NFATC2: variants seen among roughly 807,000 people sequenced by gnomAD.
NFATC2 encodes nuclear factor of activated T-cells, cytoplasmic 2.
A neutral mutation model predicts 87.3 loss-of-function variants in NFATC2; 22 were observed. That is an observed-to-expected ratio of 0.25 (90% CI 0.18 to 0.36). The LOEUF (loss-of-function observed/expected upper bound fraction) is 0.36, where lower values mean the gene tolerates loss of function less well. Among genes scored for constraint, NFATC2 ranks in the 10% least tolerant of loss-of-function variants. NFATC2 has a pLI of 1.00. For synonymous variants in NFATC2, 565 were observed against 542.2 expected (o/e 1.04, Z -0.58); for missense variants, 1,149 against 1,259.1 (o/e 0.91, Z 1.32).
intron 3 of NFATC2, among the ~76,000 whole-genome samples, chr20:51,511,350 T>G (rs1288534287): frequency 6.6e-6 from 1 of 152,210 alleles, no homozygotes; most frequent in Non-Finnish European, 1.5e-5. Context: ...TTACTGAGGG[T>G]GTGGACAGTC....
chr20:51,521,993 G>A (rs11697582), intron 2 of NFATC2, among the ~76,000 whole-genome samples: 5,924 of 152,274 alleles, frequency 0.039, 138 homozygotes, highest in South Asian at 0.072. Flanking sequence ...TTGAGTCCAT[G>A]TGGTGTGCAG....
At chr20:51,482,806 G>T (rs1326912707) in intron 3 of NFATC2, among the ~76,000 whole-genome samples, 3 of 152,076 alleles carry the variant, frequency 2.0e-5, no homozygotes, top group Non-Finnish European at 4.4e-5. Flanking sequence ...TTTCTTCCAG[G>T]CACACAGATC....
Position 51,480,616 on chromosome 20 carries a change from T to C in NFATC2, c.1333-4956A>G, listed in dbSNP as rs1057165957. On this transcript the variant is annotated intron_variant, in intron 3 of 10. Coordinates refer to ENST00000371564, the MANE Select transcript of NFATC2 (RefSeq NM_012340.5). The surrounding 1 kb of genome is among the most constrained non-coding windows in gnomAD (Gnocchi z 4.2). ...GCTGAAAGCACAAAGTTTTTCACTT[T>C]GGGTCAGACATATCTGAATTTCGAT... Among the ~76,000 whole-genome samples, 4 of 152,144 alleles carry C rather than the reference T, an allele frequency of 2.6e-5. No homozygotes were observed. The highest frequency in any genetic ancestry group is 5.9e-5 in the Non-Finnish European group (4 of 68,022).
At chr20:51,513,105 C>A (rs921104060) in intron 3 of NFATC2, among the ~76,000 whole-genome samples, 13 of 152,012 alleles carry the variant, frequency 8.6e-5, no homozygotes, top group African/African-American at 3.1e-4. Context: ...ATTCAAATGA[C>A]TTTTTAAAAA....
At chr20:51,513,384 T>C (rs367867270) in intron 3 of NFATC2, among the ~76,000 whole-genome samples, 4 of 152,216 alleles carry the variant, frequency 2.6e-5, no homozygotes, top group East Asian at 1.9e-4. Context: ...GAGGCTGAGG[T>C]GGGAGGATCA....
At chr20:51,487,692 A>G (rs1434284525) in intron 3 of NFATC2, among the ~76,000 whole-genome samples, 2 of 152,128 alleles carry the variant, frequency 1.3e-5, no homozygotes, top group East Asian at 3.9e-4. Context: ...CGAGCCAGCC[A>G]TGGCATAAAA....
In NFATC2 at chr20:51,524,031, C is replaced by T; in HGVS notation, c.210G>A (p.Lys70=). ...AGAGACTAGCAAGGGGGCTGTATGG[C>T]TTGAGGCCATAGTCCAGGACATCAT... is the stretch of plus-strand genomic sequence containing the variant. ...YPDDVLDYGL[K]PYSPLASLSG... Residue 70 remains lysine, a synonymous_variant, in exon 2 of 11, where the codon AAG becomes AAA. Coordinates refer to ENST00000371564, the MANE Select transcript of NFATC2 (RefSeq NM_012340.5). The surrounding 1 kb of genome is among the most constrained non-coding windows in gnomAD (Gnocchi z 4.0). 1.3e-6 allele frequency: 2 copies of T among 1,547,140 alleles called. No homozygotes were observed. The highest frequency in any genetic ancestry group is 2.5e-5 in the South Asian group (2 of 80,822).
chr20:51,545,060 T>C (rs1034588058), upstream of NFATC2, among the ~76,000 whole-genome samples: 1 of 152,224 alleles, frequency 6.6e-6, no homozygotes, highest in Non-Finnish European at 1.5e-5. Context: ...AGGATACTTA[T>C]AGACAGGTAT....
At chr20:51,444,824 T>G (rs1052296210) in intron 6 of NFATC2, among the ~76,000 whole-genome samples, 3 of 151,390 alleles carry the variant, frequency 2.0e-5, no homozygotes, top group African/African-American at 7.3e-5. Context: ...CAGACAGGGG[T>G]GGGGTGGGGG....
At chr20:51,485,062 A>T (rs1989592581) in intron 3 of NFATC2, among the ~76,000 whole-genome samples, 2 of 152,222 alleles carry the variant, frequency 1.3e-5, no homozygotes, top group Non-Finnish European at 2.9e-5. Flanking sequence ...AAACAGACAT[A>T]TCTACCGCAT....
chr20:51,398,626 C>G lies in NFATC2; in HGVS notation c.*44+17G>C. The G allele has an allele frequency of 6.4e-7, 1 of 1,554,868 alleles. No individual in the cohort carries two copies. The highest frequency in any genetic ancestry group is 8.8e-7 in the Non-Finnish European group (1 of 1,141,542). On this transcript the variant is annotated intron_variant, in intron 10 of 10. Transcript: ENST00000371564. The stretch of plus-strand genomic sequence containing the variant: ...CACAGCTGGAAAACAAAAGGAGAAG[C>G]AGAAGATATCGATTACCTTTAACTT...
chr20:51,432,718 G>T lies in NFATC2; in HGVS notation c.2071C>A (p.Pro691Thr). ...IKTEPTDEYDPTLICSPTHGG... is the reference protein window; with the variant it reads ...IKTEPTDEYDTTLICSPTHGG... Reference sequence around the variant, plus strand: ...TGGGTGGGGCTGCAGATCAGAGTGGGGTCATATTCATCCGTGGGCTCCGTC... The same window carrying T: ...TGGGTGGGGCTGCAGATCAGAGTGGTGTCATATTCATCCGTGGGCTCCGTC... Residue 691 changes from proline (P) to threonine (T), a missense_variant, in exon 9 of 11, where the codon CCC becomes ACC. Pro to Thr is a conservative substitution (Grantham distance 38, BLOSUM62 -1). Coordinates refer to ENST00000371564, the MANE Select transcript of NFATC2 (RefSeq NM_012340.5). The surrounding 1 kb of genome is among the most constrained non-coding windows in gnomAD (Gnocchi z 4.6). The T allele has an allele frequency of 1.9e-6, 3 of 1,587,638 alleles. No homozygotes were observed. Among genetic ancestry groups the T allele is most frequent in the Non-Finnish European group, 1.7e-6 (2 of 1,174,244 alleles).
intron 1 of NFATC2, among the ~76,000 whole-genome samples, chr20:51,540,647 G>GTT (rs375172598): frequency 0.028 from 3,208 of 112,752 alleles, 256 homozygotes; most frequent in African/African-American, 0.08. Flanking sequence ...AAAAACTGAA[G>GTT]TTTTTTTTTT....
At chr20:51,428,911 G>T (rs1982270342) in intron 9 of NFATC2, among the ~76,000 whole-genome samples, 1 of 152,224 alleles carries the variant, frequency 6.6e-6, no homozygotes, top group Non-Finnish European at 1.5e-5. Flanking sequence ...TTTAGCACGG[G>T]CCCCGTGCAG....
chr20:51,550,330 C>T (rs1168844203), intron 1 of NFATC2, among the ~76,000 whole-genome samples: 2 of 152,128 alleles, frequency 1.3e-5, no homozygotes, highest in Admixed American at 6.5e-5. Context: ...CTCATGCAAG[C>T]CTGTAATCCC....
chr20:51,530,495 C>T (rs1220077581), intron 1 of NFATC2, among the ~76,000 whole-genome samples: 1 of 152,130 alleles, frequency 6.6e-6, no homozygotes, highest in Non-Finnish European at 1.5e-5. Flanking sequence ...CTGACTAGTT[C>T]AAAGAGAAAA....
chr20:51,454,830 C>T (rs1336466433), intron 5 of NFATC2, 142 bp from the exon 6 acceptor site: 3 of 914,304 alleles, frequency 3.3e-6, no homozygotes, highest in Non-Finnish European at 4.9e-6. Flanking sequence ...AACCATCACC[C>T]CTGACAATCA....
chr20:51,509,721 A>C (rs1467274889), intron 3 of NFATC2, among the ~76,000 whole-genome samples: 1 of 152,256 alleles, frequency 6.6e-6, no homozygotes, highest in African/African-American at 2.4e-5. Flanking sequence ...GAAAGGAAAA[A>C]ATCCCATCTG....
upstream of NFATC2, among the ~76,000 whole-genome samples, chr20:51,546,593 G>A (rs370823419): frequency 1.3e-4 from 20 of 152,192 alleles, no homozygotes; most frequent in East Asian, 1.2e-3. Context: ...CTCTCCAACC[G>A]AAGTGCAACA....
Sources: allele counts gnomAD v4.1 joint callset (sites outside exome capture counted in the v4.1 genomes callset), GRCh38; gene constraint gnomAD v4.1.1; non-coding constraint Gnocchi (gnomAD v3.1); transcripts MANE v1.5; gene names NCBI Gene and HGNC (gene_info 2026-07-23, HGNC 2026-07-21).